The following SCAF4 variants were observed in gnomAD, a reference collection of about 807,000 sequenced individuals.
SCAF4 encodes SR-related CTD associated factor 4, also known as SR-related and CTD-associated factor 4.
A neutral mutation model predicts 129.8 loss-of-function variants in SCAF4; 25 were observed. That is an observed-to-expected ratio of 0.19 (90% CI 0.14 to 0.27). The LOEUF (loss-of-function observed/expected upper bound fraction) is 0.27. Ranked by LOEUF, SCAF4 falls within the 10% of genes least tolerant of loss-of-function variation. The probability of loss-of-function intolerance (pLI) is 1.00; values close to 1 mark genes in which losing one functional copy is unlikely to be tolerated. For synonymous variants in SCAF4, 551 were observed against 497.7 expected (o/e 1.11, Z -1.43); for missense variants, 1,246 against 1,457.1 (o/e 0.86, Z 2.36).
At chr21:31,706,235 T>G (rs1486377287) in intron 2 of SCAF4, 39 bp downstream of exon 2, 1 of 1,349,370 alleles carries the variant, frequency 7.4e-7, no homozygotes, top group African/African-American at 1.5e-5. Flanking sequence ...TTTTCAAAAT[T>G]TCAAAAAGAT....
chr21:31,731,455 C>T (rs1249355625), intron 1 of SCAF4, among the ~76,000 whole-genome samples: 4 of 151,498 alleles, frequency 2.6e-5, no homozygotes, highest in African/African-American at 9.7e-5. Flanking sequence ...CGGGGGTGGG[C>T]AGTGGGGGGA....
At chr21:31,700,109 C>T (rs950779760) in intron 7 of SCAF4, among the ~76,000 whole-genome samples, 4 of 151,878 alleles carry the variant, frequency 2.6e-5, no homozygotes, top group Non-Finnish European at 5.9e-5. Flanking sequence ...TACAGGTGCA[C>T]ACCACCATAC....
At position 31,671,629 on chromosome 21, in the gene SCAF4, TCTCTCTACGAGA is replaced by T. The variant is rs1261646134; in HGVS notation, c.3202_3213del (p.Ser1068_Glu1071del). 6.2e-7 allele frequency: 1 copy of T among 1,614,110 alleles called. No homozygotes were observed. Among genetic ancestry groups the T allele is most frequent in the Non-Finnish European group, 8.5e-7 (1 of 1,180,014 alleles). On this transcript the variant is annotated inframe_deletion, in exon 20 of 20. Coordinates refer to ENST00000286835, the MANE Select transcript of SCAF4 (RefSeq NM_020706.2). ...TTTTCCTTTCCTCGGGCTTCTTCCT[TCTCTCTACGAGA>T]CTCTCTATCTCTAGAATCTCTCTCT...
intron 19 of SCAF4, among the ~76,000 whole-genome samples, chr21:31,678,788 C>T (rs913632553): frequency 2.6e-5 from 4 of 152,152 alleles, no homozygotes; most frequent in Non-Finnish European, 2.9e-5. Flanking sequence ...CCCTAGCAAT[C>T]GTATTTAAAA....
At chr21:31,715,545 A>T (rs1042882094) in intron 1 of SCAF4, among the ~76,000 whole-genome samples, 3 of 152,154 alleles carry the variant, frequency 2.0e-5, no homozygotes, top group Admixed American at 2.0e-4. Context: ...GGCTGCTTTC[A>T]CCAGAATTCC....
In SCAF4 at chr21:31,701,932, G is replaced by A. The variant is rs764845897; in HGVS notation, c.458-14C>T. 3 of 1,611,306 alleles carry A rather than the reference G, an allele frequency of 1.9e-6. No homozygotes were observed. Among genetic ancestry groups the A allele is most frequent in the Non-Finnish European group, 2.5e-6 (3 of 1,179,198 alleles). On this transcript the variant is annotated splice_polypyrimidine_tract_variant and intron_variant, in intron 5 of 19. Coordinates refer to ENST00000286835, the MANE Select transcript of SCAF4 (RefSeq NM_020706.2). ...GTGGAGGTGAGCCTAAAAAAGAAAA[G>A]GGCATTAAGGCCTAAAAAAAAAGTT...
chr21:31,688,568 A>G, intron 15 of SCAF4, 104 bp from the exon 16 acceptor site: 1 of 889,836 alleles, frequency 1.1e-6, no homozygotes, highest in Non-Finnish European at 1.8e-6. Context: ...CCAGTTATTA[A>G]AGAAATTCCC....
At chr21:31,681,364 A>AT (rs1205127770) in intron 19 of SCAF4, among the ~76,000 whole-genome samples, 4 of 152,182 alleles carry the variant, frequency 2.6e-5, no homozygotes, top group Non-Finnish European at 5.9e-5. Context: ...ACAAACAAAC[A>AT]TTTTTTTGTG....
chr21:31,679,147 G>T (rs2049938143), intron 19 of SCAF4, among the ~76,000 whole-genome samples: 1 of 152,132 alleles, frequency 6.6e-6, no homozygotes, highest in Non-Finnish European at 1.5e-5. Flanking sequence ...CTTTGAGAAA[G>T]GATGTTTTCT....
intron 19 of SCAF4, among the ~76,000 whole-genome samples, chr21:31,682,812 C>CT (rs2050027382): frequency 6.6e-6 from 1 of 152,126 alleles, no homozygotes; most frequent in Non-Finnish European, 1.5e-5. Flanking sequence ...ATTACTGATC[C>CT]TTTAGTACTG....
intron 1 of SCAF4, among the ~76,000 whole-genome samples, chr21:31,708,154 T>C (rs565611863): frequency 6.6e-6 from 1 of 151,818 alleles, no homozygotes; most frequent in African/African-American, 2.4e-5. Context: ...TTGGGAGGCC[T>C]AGGTGGGCGG....
At chr21:31,691,466 T>G (rs1328238989) in intron 14 of SCAF4, among the ~76,000 whole-genome samples, 1 of 152,168 alleles carries the variant, frequency 6.6e-6, no homozygotes, top group Non-Finnish European at 1.5e-5. Flanking sequence ...TTCAGTTAAT[T>G]CTAAGATGGC....
chr21:31,687,523 TGACTA>T (rs2050154561), intron 16 of SCAF4, among the ~76,000 whole-genome samples: 1 of 152,212 alleles, frequency 6.6e-6, no homozygotes, highest in Non-Finnish European at 1.5e-5. Context: ...ACAGGTTGGC[TGACTA>T]GACAGCAAAT....
At chr21:31,726,719 G>C (rs2051214376) in intron 1 of SCAF4, among the ~76,000 whole-genome samples, 1 of 152,130 alleles carries the variant, frequency 6.6e-6, no homozygotes, top group Non-Finnish European at 1.5e-5. Context: ...CTGTCCTACA[G>C]AAATTCCTAC....
Position 31,696,199 on chromosome 21 carries a change from G to C in SCAF4, c.982C>G (p.Gln328Glu). ...APFGFPGDGMQQPAYTQHQNM... is the reference protein window; with the variant it reads ...APFGFPGDGMEQPAYTQHQNM... The stretch of plus-strand genomic sequence containing the variant: ...TGATGCTGTGTGTATGCTGGCTGCT[G>C]CATGCCATCTCCAGGAAAGCCACTA... Residue 328 changes from glutamine to glutamate, a missense_variant, in exon 9 of 20, where the codon CAG (glutamine) becomes GAG (glutamate). By Grantham distance (29) the Gln-to-Glu change is conservative. Transcript: ENST00000286835. 6.2e-7 allele frequency: 1 copy of C among 1,613,628 alleles called. No individual in the cohort carries two copies. Among genetic ancestry groups the C allele is most frequent in the Non-Finnish European group, 8.5e-7 (1 of 1,179,780 alleles).
At chr21:31,696,979 T>C (rs568251960) in intron 7 of SCAF4, among the ~76,000 whole-genome samples, 2 of 152,274 alleles carry the variant, frequency 1.3e-5, no homozygotes, top group South Asian at 4.1e-4. Context: ...CTTCCTCAAT[T>C]GTAAGTACAG....
At chr21:31,709,275 A>T (rs937479713) in intron 1 of SCAF4, among the ~76,000 whole-genome samples, 2 of 151,668 alleles carry the variant, frequency 1.3e-5, no homozygotes, top group African/African-American at 4.8e-5. Flanking sequence ...TAACATACAA[A>T]CTGACTCTTT....
chr21:31,707,512 C>T (rs189688362), intron 1 of SCAF4, among the ~76,000 whole-genome samples: 2 of 152,286 alleles, frequency 1.3e-5, no homozygotes, highest in African/African-American at 2.4e-5. Flanking sequence ...AGATAAAATC[C>T]TGACATTAAG....
intron 1 of SCAF4, among the ~76,000 whole-genome samples, chr21:31,716,813 G>A (rs192838275): frequency 4.6e-5 from 7 of 152,042 alleles, no homozygotes; most frequent in Admixed American, 1.3e-4. Flanking sequence ...TTAATATCAG[G>A]TAATATAATG....
Sources: gnomAD v4.1 joint callset for allele counts (sites outside exome capture counted in the v4.1 genomes callset) on GRCh38, gnomAD v4.1.1 for gene constraint, MANE v1.5 for transcripts, NCBI Gene and HGNC (gene_info 2026-07-23, HGNC 2026-07-21) for gene names.